The following DPYD variants were observed in gnomAD, a reference collection of about 807,000 sequenced individuals.
DPYD encodes the protein dihydropyrimidine dehydrogenase [NADP(+)].
A neutral mutation model predicts 116.2 loss-of-function variants in DPYD; 109 were observed. That is an observed-to-expected ratio of 0.94 (90% CI 0.80 to 1.10). The LOEUF is 1.10. Among genes scored for constraint, DPYD ranks in the 50% least tolerant of loss-of-function variants. DPYD has a pLI of 0.00. For missense variants in DPYD, 1,302 were observed against 1,254.5 expected (o/e 1.04, Z -0.57); for synonymous variants, 440 against 432.0 (o/e 1.02, Z -0.23).
intron 16 of DPYD, among the ~76,000 whole-genome samples, chr1:97,340,388 A>G (rs1446705745): frequency 6.6e-6 from 1 of 152,178 alleles, no homozygotes; most frequent in East Asian, 1.9e-4. Context: ...GAAATGATAT[A>G]AAAACACAAC....
At chr1:97,622,468 A>C (rs151169162) in intron 8 of DPYD, among the ~76,000 whole-genome samples, 13 of 152,124 alleles carry the variant, frequency 8.5e-5, no homozygotes, top group Non-Finnish European at 1.6e-4. Context: ...TTGCAACCAA[A>C]AAAAAGCATA....
In DPYD at chr1:97,323,625, TATC is replaced by T. The variant is rs577235486; in HGVS notation, c.2059-17331_2059-17329del. Among the ~76,000 whole-genome samples, 22 of 62,630 alleles carry T rather than the reference TATC, an allele frequency of 3.5e-4. 1 individual carries two copies. The East Asian group carries it at 8.4e-3, about 24-fold the overall frequency. 41.1% of individuals were successfully genotyped at this position (62,630 alleles called of 152,430 possible). ...GTGTATATATACACGTATATATACA[TATC>T]ATATATACATATATGTGTATATATA... On this transcript the variant is annotated intron_variant, in intron 16 of 22. Coordinates refer to ENST00000370192, the MANE Select transcript of DPYD (RefSeq NM_000110.4).
intron 19 of DPYD, among the ~76,000 whole-genome samples, chr1:97,214,717 C>A (rs1449914604): frequency 6.6e-6 from 1 of 152,170 alleles, no homozygotes. Flanking sequence ...ATGGATTACC[C>A]CAAGGCATTG....
At chr1:97,623,528 A>G (rs1481255447) in intron 8 of DPYD, among the ~76,000 whole-genome samples, 1 of 152,050 alleles carries the variant, frequency 6.6e-6, no homozygotes, top group Non-Finnish European at 1.5e-5. Flanking sequence ...GATCAAAGTC[A>G]TAATATAATG....
intron 8 of DPYD, among the ~76,000 whole-genome samples, chr1:97,674,293 TG>T (rs1277037514): frequency 3.3e-5 from 5 of 152,212 alleles, no homozygotes; most frequent in Non-Finnish European, 5.9e-5. Flanking sequence ...CTGTAGTTCC[TG>T]TTTCGTAGTG....
chr1:97,482,158 A>G (rs1376827203), intron 13 of DPYD, among the ~76,000 whole-genome samples: 1 of 152,184 alleles, frequency 6.6e-6, no homozygotes, highest in Non-Finnish European at 1.5e-5. Flanking sequence ...GGGTATATAT[A>G]ACAAATCCTA....
Position 97,333,597 on chromosome 1 carries a change from T to C in DPYD, c.2059-27300A>G, listed in dbSNP as rs12751902. On this transcript the variant is annotated intron_variant, in intron 16 of 22. Transcript: ENST00000370192. ...GTGCAATGGCAAGATCTCAGCTCAC[T>C]GCAATCTCCGCCTCCCAGGTTCAAG... 5.6e-3 allele frequency among the ~76,000 whole-genome samples: 818 copies of C among 145,614 alleles called. 7 individuals are homozygous for C. The highest frequency in any genetic ancestry group is 0.017 in the South Asian group (76 of 4,528).
At chr1:97,791,251 G>A (rs945627885) in intron 3 of DPYD, among the ~76,000 whole-genome samples, 5 of 152,096 alleles carry the variant, frequency 3.3e-5, no homozygotes, top group African/African-American at 7.2e-5. Flanking sequence ...AAATCATTGT[G>A]ACAATCATTT....
At chr1:97,539,667 T>C (rs1340475895) in intron 12 of DPYD, among the ~76,000 whole-genome samples, 2 of 152,204 alleles carry the variant, frequency 1.3e-5, no homozygotes, top group Non-Finnish European at 2.9e-5. Flanking sequence ...TCTAATGATG[T>C]AACAAACCAG....
intron 5 of DPYD, among the ~76,000 whole-genome samples, chr1:97,713,931 G>A (rs1367359098): frequency 6.6e-6 from 1 of 151,920 alleles, no homozygotes; most frequent in African/African-American, 2.4e-5. Flanking sequence ...AACAAATATA[G>A]TTTAATCTAT....
In DPYD at chr1:97,757,544, T is replaced by C. The variant is rs185496326; in HGVS notation, c.234-17065A>G. Among the ~76,000 whole-genome samples, 607 of 152,208 alleles carry C rather than the reference T, an allele frequency of 4.0e-3. 7 individuals carry two copies. Among genetic ancestry groups the C allele is most frequent in the African/African-American group, 0.014 (588 of 41,546 alleles). On this transcript the variant is annotated intron_variant, in intron 3 of 22. Coordinates refer to ENST00000370192, the MANE Select transcript of DPYD (RefSeq NM_000110.4). ...TGCTTTTTGAATAAATAAATAATAA[T>C]ACTAACAAAGATAACGATGCCATTG...
intron 18 of DPYD, among the ~76,000 whole-genome samples, chr1:97,250,294 T>A (rs891384555): frequency 2.0e-5 from 3 of 151,784 alleles, no homozygotes; most frequent in Non-Finnish European, 4.4e-5. Context: ...TAAAAATAAA[T>A]AAATAAATAA....
intron 2 of DPYD, among the ~76,000 whole-genome samples, chr1:97,834,658 G>C (rs1669680699): frequency 6.6e-6 from 1 of 151,848 alleles, no homozygotes; most frequent in Non-Finnish European, 1.5e-5. Flanking sequence ...TTCAATGTTG[G>C]TTACTACAAA....
intron 18 of DPYD, among the ~76,000 whole-genome samples, chr1:97,267,070 G>C (rs1353147434): frequency 6.6e-6 from 1 of 152,104 alleles, no homozygotes; most frequent in African/African-American, 2.4e-5. Flanking sequence ...GGGTCAAATG[G>C]TATTTCTAGT....
At chr1:97,279,248 A>C (rs1398387244) in intron 18 of DPYD, among the ~76,000 whole-genome samples, 1 of 152,162 alleles carries the variant, frequency 6.6e-6, no homozygotes, top group Non-Finnish European at 1.5e-5. Flanking sequence ...ATATATGAGA[A>C]GTTTTGGAAG....
At position 97,152,170 on chromosome 1, in the gene DPYD, T is replaced by C. The variant is rs546592575; in HGVS notation, c.2622+40899A>G. ...CTACCTTTGTAAAGCATTTACTTCA[T>C]AGGAAGCATTTCAAACACTACTAGT... On this transcript the variant is annotated intron_variant, in intron 20 of 22. Transcript: ENST00000370192. 2.0e-5 allele frequency among the ~76,000 whole-genome samples: 3 copies of C among 152,322 alleles called. No homozygotes were observed. In the South Asian group the frequency reaches 6.2e-4, roughly 32 times the overall value.
chr1:97,471,603 T>TC (rs1183034460), intron 13 of DPYD, among the ~76,000 whole-genome samples: 1 of 152,006 alleles, frequency 6.6e-6, no homozygotes, highest in Non-Finnish European at 1.5e-5. Context: ...CCTTTTTTTT[T>TC]TTTTTGAGAC....
intron 16 of DPYD, among the ~76,000 whole-genome samples, chr1:97,333,121 G>A (rs1048944959): frequency 5.5e-5 from 8 of 144,984 alleles, no homozygotes; most frequent in African/African-American, 2.1e-4. Context: ...GCAGTGCCAT[G>A]ATCTGCTCAC....
rs1049060922 is a variant in DPYD at position 97,824,278 on chromosome 1, T to C, written c.233+3836A>G. On this transcript the variant is annotated intron_variant, in intron 3 of 22. Coordinates refer to ENST00000370192, the MANE Select transcript of DPYD (RefSeq NM_000110.4). ...AGGTTATGGATCTACCTTTTACTAT[T>C]AGTTTTCTAAGAAAGTAAGTGTATC... Among the ~76,000 whole-genome samples, 7 of 152,280 alleles carry C rather than the reference T, an allele frequency of 4.6e-5. No individual in the cohort carries two copies. The East Asian group carries it at 9.7e-4, about 21-fold the overall frequency.
Sources: gnomAD v4.1 joint callset for allele counts (sites outside exome capture counted in the v4.1 genomes callset) on GRCh38, gnomAD v4.1.1 for gene constraint, MANE v1.5 for transcripts, NCBI Gene and HGNC (gene_info 2026-07-23, HGNC 2026-07-21) for gene names.